SPHKAP: variants seen among roughly 807,000 people sequenced by gnomAD.
SPHKAP encodes SPHK1 interactor, AKAP domain containing, also known as A-kinase anchor protein SPHKAP.
A neutral mutation model predicts 137.5 loss-of-function variants in SPHKAP; 67 were observed. The observed-to-expected ratio is 0.49, with a 90% CI of 0.40 to 0.60. The LOEUF (loss-of-function observed/expected upper bound fraction) is 0.60, where lower values mean the gene tolerates loss of function less well. Among genes scored for constraint, SPHKAP ranks in the 20% least tolerant of loss-of-function variants. The probability of loss-of-function intolerance (pLI) is 0.00; values close to 1 mark genes in which losing one functional copy is unlikely to be tolerated. For synonymous variants in SPHKAP, 813 were observed against 785.3 expected, an observed-to-expected ratio of 1.04 and a Z score of -0.59; for missense variants, 2,097 against 2,069.3, an observed-to-expected ratio of 1.01 and a Z score of -0.26.
chr2:228,034,564 A>G (rs1391311970), intron 3 of SPHKAP, among the ~76,000 whole-genome samples: 1 of 152,194 alleles, frequency 6.6e-6, no homozygotes, highest in Non-Finnish European at 1.5e-5. Context: ...AAAGCCTGAC[A>G]GAGATACAAC....
chr2:228,082,878 C>T (rs1402831502), intron 3 of SPHKAP, among the ~76,000 whole-genome samples: 3 of 152,148 alleles, frequency 2.0e-5, no homozygotes, highest in African/African-American at 7.2e-5. Flanking sequence ...AATATCAACT[C>T]TTTTTTTAAT....
intron 1 of SPHKAP, chr2:228,169,602 C>G (rs1345215105): frequency 1.3e-5 from 2 of 151,844 alleles, no homozygotes; most frequent in Non-Finnish European, 2.9e-5. Context: ...GACAATGTAC[C>G]TTGTCACCCA....
At chr2:228,122,341 C>G (rs1698936767) in intron 2 of SPHKAP, among the ~76,000 whole-genome samples, 1 of 151,964 alleles carries the variant, frequency 6.6e-6, no homozygotes, top group Admixed American at 6.6e-5. Context: ...TCCAGGGGCT[C>G]TTCACACACA....
At chr2:228,004,308 G>A (rs1227567329) in intron 7 of SPHKAP, among the ~76,000 whole-genome samples, 4 of 152,166 alleles carry the variant, frequency 2.6e-5, no homozygotes, top group Non-Finnish European at 5.9e-5. Flanking sequence ...ATGTGTTGAG[G>A]AATTTATCCG....
chr2:228,090,491 G>T (rs1277844176), intron 3 of SPHKAP, among the ~76,000 whole-genome samples: 3 of 152,098 alleles, frequency 2.0e-5, no homozygotes, highest in Admixed American at 6.6e-5. Flanking sequence ...AGACTTTTGG[G>T]GACTATTGGA....
chr2:228,179,589 T>C (rs1284803414), intron 1 of SPHKAP, among the ~76,000 whole-genome samples: 1 of 152,124 alleles, frequency 6.6e-6, no homozygotes, highest in African/African-American at 2.4e-5. Context: ...AGAAGGCTAA[T>C]AAAATACCGG....
Position 228,018,836 on chromosome 2 carries a change from T to C in SPHKAP, c.2018A>G (p.Asn673Ser), listed in dbSNP as rs540852788. The C allele has an allele frequency of 1.1e-5, 17 of 1,614,184 alleles. No homozygotes were observed. Among genetic ancestry groups the C allele is most frequent in the Admixed American group, 6.7e-5 (4 of 60,020 alleles). Reference protein sequence around the residue: ...VRNELAHTLSNVILRHSIDEV... With the variant: ...VRNELAHTLSSVILRHSIDEV... ...ATCAATGGAATGCCTCAGGATAACA[T>C]TGGACAGGGTATGTGCCAGTTCATT... The change falls in exon 7 of 12, where the codon AAT becomes AGT. Residue 673 changes from asparagine to serine, a missense_variant. By Grantham distance (46) the Asn-to-Ser change is conservative (BLOSUM62 1). Coordinates refer to ENST00000392056, the MANE Select transcript of SPHKAP (RefSeq NM_001142644.2).
Position 228,016,719 on chromosome 2 carries a change from A to G in SPHKAP, c.4135T>C (p.Cys1379Arg). Residue 1379 changes from cysteine to arginine, a missense_variant, in exon 7 of 12, where the codon TGT becomes CGT. Coordinates refer to ENST00000392056, the MANE Select transcript of SPHKAP (RefSeq NM_001142644.2). Reference sequence around the variant, plus strand: ...AAAGATGACACTGGGGGCTGTTTACATTCGGTAACAGAGTCTTTCCTCGGG... The same window carrying G: ...AAAGATGACACTGGGGGCTGTTTACGTTCGGTAACAGAGTCTTTCCTCGGG... Reference protein sequence around the residue: ...DCPRKDSVTECKQPPVSSLSK... With the variant: ...DCPRKDSVTERKQPPVSSLSK... The G allele has an allele frequency of 1.2e-6, 2 of 1,614,138 alleles. No individual in the cohort carries two copies. Among genetic ancestry groups the G allele is most frequent in the Non-Finnish European group, 1.7e-6 (2 of 1,180,024 alleles).
At chr2:228,144,213 T>G (rs988070800) in intron 1 of SPHKAP, among the ~76,000 whole-genome samples, 1 of 152,198 alleles carries the variant, frequency 6.6e-6, no homozygotes, top group African/African-American at 2.4e-5. Context: ...CCTGATCTAT[T>G]TTTCTCAGTA....
At chr2:228,035,948 A>T (rs889905877) in intron 3 of SPHKAP, among the ~76,000 whole-genome samples, 2 of 151,094 alleles carry the variant, frequency 1.3e-5, no homozygotes, top group African/African-American at 4.9e-5. Flanking sequence ...AACCTAGGCA[A>T]TACCATTCAG....
chr2:228,074,084 C>A (rs1697095099), intron 3 of SPHKAP, among the ~76,000 whole-genome samples: 3 of 152,180 alleles, frequency 2.0e-5, no homozygotes, highest in Non-Finnish European at 2.9e-5. Flanking sequence ...GCAGACTTAA[C>A]CTCAAGGTCA....
intron 3 of SPHKAP, among the ~76,000 whole-genome samples, chr2:228,076,567 C>T (rs929342237): frequency 1.3e-5 from 2 of 152,116 alleles, no homozygotes; most frequent in Non-Finnish European, 2.9e-5. Context: ...AGACTGGGGA[C>T]ATTTTGCCCT....
chr2:228,073,550 C>T (rs536252910), intron 3 of SPHKAP, among the ~76,000 whole-genome samples: 5 of 152,332 alleles, frequency 3.3e-5, no homozygotes, highest in African/African-American at 9.6e-5. Context: ...CTGCCTGCCT[C>T]TCAGGAAGGG....
At chr2:228,074,819 C>T (rs1180111156) in intron 3 of SPHKAP, among the ~76,000 whole-genome samples, 1 of 152,022 alleles carries the variant, frequency 6.6e-6, no homozygotes, top group African/African-American at 2.4e-5. Context: ...CCTTCCTCCC[C>T]TTCTTTTCTT....
At chr2:228,157,367 G>A (rs1361091553) in intron 1 of SPHKAP, among the ~76,000 whole-genome samples, 1 of 152,050 alleles carries the variant, frequency 6.6e-6, no homozygotes, top group Non-Finnish European at 1.5e-5. Flanking sequence ...TGCCTACACA[G>A]CACCAAAAGT....
intron 3 of SPHKAP, among the ~76,000 whole-genome samples, chr2:228,098,760 A>T (rs1422784776): frequency 6.7e-3 from 7 of 1,040 alleles, no homozygotes; most frequent in East Asian, 0.25. Flanking sequence ...CTTAAAGTAT[A>T]AAAAAAAAAA....
chr2:228,104,463 A>G (rs896959472), intron 3 of SPHKAP, among the ~76,000 whole-genome samples: 1 of 150,510 alleles, frequency 6.6e-6, no homozygotes, highest in African/African-American at 2.4e-5. Flanking sequence ...AGATTCTTCC[A>G]TAGAACAACT....
In SPHKAP at chr2:228,038,216, G is replaced by A. The variant is rs367878731; in HGVS notation, c.247-10673C>T. ...GTGACAGAAACATCATGGGCCACGT[G>A]TGCTGGAGAAGGGAGTTGGGAGAAC... On this transcript the variant is annotated intron_variant, in intron 3 of 11. Coordinates refer to ENST00000392056, the MANE Select transcript of SPHKAP (RefSeq NM_001142644.2). Among the ~76,000 whole-genome samples, 9 of 152,302 alleles carry A rather than the reference G, an allele frequency of 5.9e-5. No individual in the cohort carries two copies. The East Asian group carries it at 1.4e-3, about 23-fold the overall frequency.
chr2:228,046,403 T>G, intron 3 of SPHKAP, among the ~76,000 whole-genome samples: 1 of 151,232 alleles, frequency 6.6e-6, no homozygotes, highest in African/African-American at 2.4e-5. Flanking sequence ...AGGCAATGAC[T>G]TTTAGGAAAA....
Sources: allele counts gnomAD v4.1 joint callset (sites outside exome capture counted in the v4.1 genomes callset), GRCh38; gene constraint gnomAD v4.1.1; transcripts MANE v1.5; gene names NCBI Gene and HGNC (gene_info 2026-07-23, HGNC 2026-07-21).